Variants in BICRA observed in about 807,000 individuals in gnomAD.
The protein encoded by BICRA is BRD4-interacting chromatin-remodeling complex-associated protein.
Under a neutral mutation model 96.9 loss-of-function variants are expected in BICRA, and 31 were observed. The ratio of observed to expected loss-of-function variants is 0.32; its 90% CI spans 0.24 to 0.43. BICRA has a LOEUF of 0.43. Among genes scored for constraint, BICRA ranks in the 20% least tolerant of loss-of-function variants. BICRA has a pLI of 1.00. For synonymous variants in BICRA, 1,350 were observed against 1,071.8 expected (o/e 1.26, Z -5.07); for missense variants, 2,283 against 2,190.3 (o/e 1.04, Z -0.84).
At chr19:47,693,836 G>C (rs919068233) in intron 7 of BICRA, among the ~76,000 whole-genome samples, 1 of 152,178 alleles carries the variant, frequency 6.6e-6, no homozygotes, top group Non-Finnish European at 1.5e-5. Context: ...TGCGAGGGGT[G>C]GGGGGAATGG....
At chr19:47,645,562 A>G (rs1972447175) in intron 1 of BICRA, among the ~76,000 whole-genome samples, 1 of 152,232 alleles carries the variant, frequency 6.6e-6, no homozygotes, top group Non-Finnish European at 1.5e-5. Context: ...TGAAAAGGTC[A>G]TAGAGGATCA....
intron 1 of BICRA, among the ~76,000 whole-genome samples, chr19:47,633,080 CTTTTTTTT>C (rs34761702): frequency 1.4e-4 from 13 of 93,222 alleles, no homozygotes; most frequent in South Asian, 3.6e-4. Context: ...GATTTTATTT[CTTTTTTTT>C]TTTTTTTTTT....
In BICRA at chr19:47,675,124, G is replaced by A. The variant is rs114146522; in HGVS notation, c.85-727G>A. Among the ~76,000 whole-genome samples the A allele has an allele frequency of 0.014, 2,138 of 152,230 alleles. 50 individuals carry two copies. The highest frequency in any genetic ancestry group is 0.049 in the African/African-American group (2,016 of 41,528). On this transcript the variant is annotated intron_variant, in intron 4 of 14. Coordinates refer to ENST00000594866, the MANE Select transcript of BICRA (RefSeq NM_001394372.1). This position sits in a 1 kb window ranked among gnomAD's most constrained non-coding sequence, Gnocchi z 4.7. ...GACTCGATGTTGAGGGGGAGAGAGTGTCCACCATGGCTCCTGGATTTTGGC... is the reference window on the plus strand; with the variant it reads ...GACTCGATGTTGAGGGGGAGAGAGTATCCACCATGGCTCCTGGATTTTGGC...
chr19:47,635,962 C>A (rs1390884788), intron 1 of BICRA, among the ~76,000 whole-genome samples: 2 of 152,178 alleles, frequency 1.3e-5, no homozygotes, highest in East Asian at 1.9e-4. Context: ...CAGCATGAAG[C>A]CTTTGCTTTC....
intron 1 of BICRA, among the ~76,000 whole-genome samples, chr19:47,670,242 C>T (rs1972844140): frequency 6.6e-6 from 1 of 152,178 alleles, no homozygotes; most frequent in African/African-American, 2.4e-5. Context: ...GCGTGAGCCA[C>T]CGCGCCAGCC....
At chr19:47,629,354 A>G (rs755674685) in intron 1 of BICRA, among the ~76,000 whole-genome samples, 12 of 152,312 alleles carry the variant, frequency 7.9e-5, no homozygotes, top group Non-Finnish European at 1.5e-4. Context: ...CCCAGTCCCT[A>G]GTAGCCTCCA....
chr19:47,638,686 C>T (rs1375433768), intron 1 of BICRA, among the ~76,000 whole-genome samples: 1 of 152,170 alleles, frequency 6.6e-6, no homozygotes, highest in Non-Finnish European at 1.5e-5. Context: ...GACGGAGTCT[C>T]GCTCTGTTGC....
intron 1 of BICRA, among the ~76,000 whole-genome samples, chr19:47,633,080 CT>C (rs34761702): frequency 0.37 from 34,044 of 92,520 alleles, 3,263 homozygotes; most frequent in Middle Eastern, 0.46. Context: ...GATTTTATTT[CT>C]TTTTTTTTTT....
chr19:47,631,834 A>T (rs2123523479), intron 1 of BICRA, among the ~76,000 whole-genome samples: 1 of 152,148 alleles, frequency 6.6e-6, no homozygotes, highest in African/African-American at 2.4e-5. Flanking sequence ...TGCTTAGTAG[A>T]GACGGGGTTT....
At chr19:47,687,505 A>G (rs1036394120) in intron 7 of BICRA, among the ~76,000 whole-genome samples, 5 of 152,248 alleles carry the variant, frequency 3.3e-5, no homozygotes, top group Non-Finnish European at 7.4e-5. Context: ...AACTCCTATA[A>G]GATATTCTTG....
At chr19:47,655,010 C>A (rs954694603) in intron 1 of BICRA, among the ~76,000 whole-genome samples, 10 of 152,124 alleles carry the variant, frequency 6.6e-5, no homozygotes, top group Non-Finnish European at 1.3e-4. Flanking sequence ...AACGCTTACT[C>A]ATAACCCCAA....
chr19:47,689,962 C>T (rs760555837), intron 7 of BICRA, among the ~76,000 whole-genome samples: 12 of 152,126 alleles, frequency 7.9e-5, no homozygotes, highest in Non-Finnish European at 1.8e-4. Flanking sequence ...TTTTGGCGTT[C>T]TACACGAAGC....
intron 1 of BICRA, among the ~76,000 whole-genome samples, chr19:47,651,803 G>A (rs951776622): frequency 2.0e-5 from 3 of 152,222 alleles, no homozygotes; most frequent in Non-Finnish European, 4.4e-5. Flanking sequence ...CCAAGACCTA[G>A]AGAAGGGTGG....
At chr19:47,650,276 G>A (rs1400524907) in intron 1 of BICRA, among the ~76,000 whole-genome samples, 1 of 152,080 alleles carries the variant, frequency 6.6e-6, no homozygotes, top group Non-Finnish European at 1.5e-5. Context: ...GGGATTACAG[G>A]CACCTGCCAC....
chr19:47,636,659 C>T (rs764081203), intron 1 of BICRA, among the ~76,000 whole-genome samples: 44 of 152,248 alleles, frequency 2.9e-4, no homozygotes, highest in Non-Finnish European at 5.4e-4. Context: ...AGGCGTGCAC[C>T]ACCACACCCA....
At chr19:47,641,106 C>T (rs1336631852) in intron 1 of BICRA, among the ~76,000 whole-genome samples, 3 of 113,450 alleles carry the variant, frequency 2.6e-5, no homozygotes, top group South Asian at 5.9e-4. Context: ...ATTTTTAGTA[C>T]AGACCGGGTT....
At position 47,702,449 on chromosome 19, in the gene BICRA, C is replaced by T. The variant is rs780877915; in HGVS notation, c.*34C>T. On this transcript the variant is annotated 3_prime_UTR_variant, in exon 15 of 15. Transcript: ENST00000594866. ...CGCCTCCCCTTCCCCGTCCCCTCCTCCCGAAGACGCCGGGACAGTCGGGTG... is the reference window on the plus strand; with the variant it reads ...CGCCTCCCCTTCCCCGTCCCCTCCTTCCGAAGACGCCGGGACAGTCGGGTG... 5 of 1,445,484 alleles carry T rather than the reference C, an allele frequency of 3.5e-6. No individual in the cohort carries two copies. In the South Asian group the frequency reaches 4.3e-5, roughly 12 times the overall value. The allele number at this position is 1,445,484 out of a possible 1,614,324, so 89.5% of individuals were successfully genotyped here.
chr19:47,627,490 A>G (rs142335773), intron 1 of BICRA, among the ~76,000 whole-genome samples: 3,624 of 152,276 alleles, frequency 0.024, 52 homozygotes, highest in South Asian at 0.035. Context: ...ACCAGAGTGC[A>G]CACAGGATGA....
chr19:47,691,613 G>A (rs2123602803), intron 7 of BICRA, among the ~76,000 whole-genome samples: 1 of 152,074 alleles, frequency 6.6e-6, no homozygotes, highest in Non-Finnish European at 1.5e-5. Context: ...GCCTAGTCTG[G>A]AGTGCAGTGG....
Sources: allele counts gnomAD v4.1 joint callset (sites outside exome capture counted in the v4.1 genomes callset), GRCh38; gene constraint gnomAD v4.1.1; non-coding constraint Gnocchi (gnomAD v3.1); transcripts MANE v1.5; gene names NCBI Gene and HGNC (gene_info 2026-07-23, HGNC 2026-07-21).